The following GABRA2 variants were observed in gnomAD, a reference collection of about 807,000 sequenced individuals.
GABRA2 encodes the protein gamma-aminobutyric acid receptor subunit alpha-2.
A neutral mutation model predicts 48.7 loss-of-function variants in GABRA2; 16 were observed. That is an observed-to-expected ratio of 0.33 (90% CI 0.22 to 0.50). The LOEUF (loss-of-function observed/expected upper bound fraction) is 0.50. GABRA2 is among the 20% of genes least tolerant of loss of function. GABRA2 has a pLI of 0.98. For missense variants in GABRA2, 275 were observed against 535.6 expected (o/e 0.51, Z 4.80); for synonymous variants, 185 against 184.5 (o/e 1.00, Z -0.02).
At chr4:46,382,210 A>G (rs575397601) in intron 3 of GABRA2, among the ~76,000 whole-genome samples, 1 of 152,000 alleles carries the variant, frequency 6.6e-6, no homozygotes, top group East Asian at 1.9e-4. Context: ...ATATATATAT[A>G]AAGTGCTAAA....
Position 46,248,594 on chromosome 4 carries a change from A to G in GABRA2, c.*1714T>C, listed in dbSNP as rs1014974579. ...TTTATACAAGCATGCAAAGCATATA[A>G]TAGAATCACATGGAAACAAAGAAAT... On this transcript the variant is annotated 3_prime_UTR_variant, in exon 10 of 10. Coordinates refer to ENST00000381620, the MANE Select transcript of GABRA2 (RefSeq NM_000807.4). 1.3e-5 allele frequency: 2 copies of G among 151,482 alleles called. No individual in the cohort carries two copies. The highest frequency in any genetic ancestry group is 2.4e-5 in the African/African-American group (1 of 41,394). The allele number at this position is 151,482 out of a possible 1,614,324, so 9.4% of individuals were successfully genotyped here.
upstream of GABRA2, chr4:46,390,212 C>CCCCCCCCCCCCCCCCCCCCCCCCCCCA (rs1718086490): frequency 1.6e-5 from 2 of 128,604 alleles, no homozygotes; most frequent in African/African-American, 6.0e-5. Context: ...TCCCCCCCCC[C>CCCCCCCCCCCCCCCCCCCCCCCCCCCA]CACACACACA....
intron 8 of GABRA2, among the ~76,000 whole-genome samples, chr4:46,273,510 T>TGC (rs1719862115): frequency 6.6e-5 from 2 of 30,354 alleles, no homozygotes; most frequent in African/African-American, 2.5e-4. Flanking sequence ...TGCATATATA[T>TGC]ATATATATAT....
chr4:46,325,669 G>A (rs920446661), intron 4 of GABRA2, among the ~76,000 whole-genome samples: 2 of 152,042 alleles, frequency 1.3e-5, no homozygotes, highest in East Asian at 3.9e-4. Flanking sequence ...GTTCAGAATG[G>A]CATTTCCTAG....
At chr4:46,360,127 C>G (rs555596900) in intron 3 of GABRA2, among the ~76,000 whole-genome samples, 1 of 152,072 alleles carries the variant, frequency 6.6e-6, no homozygotes, top group African/African-American at 2.4e-5. Flanking sequence ...GTCAGCATTT[C>G]TTAAAGCTTA....
chr4:46,320,937 T>G (rs944165347), intron 4 of GABRA2, among the ~76,000 whole-genome samples: 17 of 151,900 alleles, frequency 1.1e-4, no homozygotes, highest in African/African-American at 3.9e-4. Flanking sequence ...ACATGCTCAT[T>G]GTAGCATTAT....
At chr4:46,267,596 C>A (rs1718510451) in intron 8 of GABRA2, among the ~76,000 whole-genome samples, 1 of 151,746 alleles carries the variant, frequency 6.6e-6, no homozygotes, top group African/African-American at 2.4e-5. Flanking sequence ...AGATTCTGAC[C>A]ATTCTCTGGG....
Position 46,379,312 on chromosome 4 carries a change from A to G in GABRA2, c.187+6762T>C, listed in dbSNP as rs566790972. Among the ~76,000 whole-genome samples, 86 of 152,246 alleles carry G rather than the reference A, an allele frequency of 5.6e-4. No individual in the cohort carries two copies. In the Middle Eastern group the frequency reaches 0.037, roughly 66 times the overall value. ...CCCCCAGGCAAAATTCAAGAAACTG[A>G]CTCTGAAAGCTGTGTCCACAAGTCT... On this transcript the variant is annotated intron_variant, in intron 3 of 9. Coordinates refer to ENST00000381620, the MANE Select transcript of GABRA2 (RefSeq NM_000807.4).
chr4:46,376,340 T>C lies in GABRA2; in HGVS notation c.187+9734A>G, dbSNP rs779216465. ...GACACTAAAACAAATGGATCAGTCA[T>C]GCTTATGGTCCAATTTATCCACTGT... On this transcript the variant is annotated intron_variant, in intron 3 of 9. Coordinates refer to ENST00000381620, the MANE Select transcript of GABRA2 (RefSeq NM_000807.4). Among the ~76,000 whole-genome samples the C allele has an allele frequency of 7.3e-4, 111 of 152,200 alleles. 1 individual carries two copies. The highest frequency in any genetic ancestry group is 8.4e-4 in the Non-Finnish European group (57 of 68,026).
intron 3 of GABRA2, among the ~76,000 whole-genome samples, chr4:46,346,857 T>C (rs1734221608): frequency 6.6e-6 from 1 of 151,774 alleles, no homozygotes; most frequent in South Asian, 2.1e-4. Context: ...AATTTATCTG[T>C]TCACTGACAA....
chr4:46,247,239 C>T lies in GABRA2; in HGVS notation c.*3069G>A, dbSNP rs550153833. ...TATATATTAAATGGTTATATTTCTTCCATTTTATAATCAAACACATGGGAA... is the reference window on the plus strand; with the variant it reads ...TATATATTAAATGGTTATATTTCTTTCATTTTATAATCAAACACATGGGAA... On this transcript the variant is annotated 3_prime_UTR_variant, in exon 10 of 10. Transcript: ENST00000381620. 6.6e-6 allele frequency among the ~76,000 whole-genome samples: 1 copy of T among 151,122 alleles called. No homozygotes were observed. The highest frequency in any genetic ancestry group is 2.0e-4 in the East Asian group (1 of 5,110).
chr4:46,248,625 A>G lies in GABRA2; in HGVS notation c.*1683T>C, dbSNP rs937522958. ...TCACATGGAAACAAAGAAATTTTAA[A>G]AATTAAATGAGGCAAAGGAATAGCA... On this transcript the variant is annotated 3_prime_UTR_variant, in exon 10 of 10. Transcript: ENST00000381620. The G allele has an allele frequency of 2.6e-5, 4 of 151,436 alleles. No individual in the cohort carries two copies. Among genetic ancestry groups the G allele is most frequent in the African/African-American group, 7.3e-5 (3 of 41,362 alleles). The allele number at this position is 151,436 out of a possible 1,614,324, so 9.4% of individuals were successfully genotyped here.
At chr4:46,345,039 T>C (rs1286759328) in intron 3 of GABRA2, among the ~76,000 whole-genome samples, 1 of 151,898 alleles carries the variant, frequency 6.6e-6, no homozygotes, top group Non-Finnish European at 1.5e-5. Context: ...GAGGTGATTT[T>C]AGCATAGGAG....
At chr4:46,306,569 T>A (rs944434292) in intron 6 of GABRA2, among the ~76,000 whole-genome samples, 8 of 152,270 alleles carry the variant, frequency 5.3e-5, no homozygotes, top group Admixed American at 3.9e-4. Context: ...CACAGTTGAG[T>A]AACAGGTAAT....
At chr4:46,313,189 A>G (rs1727961196) in intron 4 of GABRA2, among the ~76,000 whole-genome samples, 2 of 150,412 alleles carry the variant, frequency 1.3e-5, no homozygotes, top group South Asian at 2.1e-4. Flanking sequence ...AAAAAACATA[A>G]CAGAAAAAAT....
intron 6 of GABRA2, among the ~76,000 whole-genome samples, chr4:46,308,720 G>A (rs1198061519): frequency 6.6e-6 from 1 of 152,130 alleles, no homozygotes; most frequent in South Asian, 2.1e-4. Flanking sequence ...ATATGCTCAA[G>A]CATGCGATAT....
chr4:46,309,629 G>T (rs1727289255), intron 6 of GABRA2, among the ~76,000 whole-genome samples: 1 of 151,818 alleles, frequency 6.6e-6, no homozygotes, highest in Non-Finnish European at 1.5e-5. Flanking sequence ...CAACTGCACA[G>T]ACCCTTTTCT....
chr4:46,298,200 T>C (rs182175023), intron 8 of GABRA2, among the ~76,000 whole-genome samples: 3 of 152,252 alleles, frequency 2.0e-5, no homozygotes, highest in Admixed American at 2.0e-4. Context: ...GAGGAATGTG[T>C]AATTGCTGTT....
intron 4 of GABRA2, among the ~76,000 whole-genome samples, chr4:46,329,223 T>C (rs553807869): frequency 6.6e-6 from 1 of 152,178 alleles, no homozygotes; most frequent in East Asian, 1.9e-4. Context: ...TTCATTTCCT[T>C]TGTGATACCT....
Sources: allele counts gnomAD v4.1 joint callset (sites outside exome capture counted in the v4.1 genomes callset), GRCh38; gene constraint gnomAD v4.1.1; transcripts MANE v1.5; gene names NCBI Gene and HGNC (gene_info 2026-07-23, HGNC 2026-07-21).